The following RARB variants were observed in gnomAD, a reference collection of about 807,000 sequenced individuals.
RARB encodes retinoic acid receptor beta, also known as HBV-activated protein.
In RARB, 17 loss-of-function variants were observed where a neutral mutation model predicts 51.9. The ratio of observed to expected loss-of-function variants is 0.33; its 90% CI spans 0.22 to 0.49. The LOEUF (loss-of-function observed/expected upper bound fraction) is 0.49, where lower values mean the gene tolerates loss of function less well. Among genes scored for constraint, RARB ranks in the 20% least tolerant of loss-of-function variants. RARB has a pLI of 0.99. For missense variants in RARB, 369 were observed against 550.8 expected, an observed-to-expected ratio of 0.67 and a Z score of 3.30; for synonymous variants, 215 against 195.4, an observed-to-expected ratio of 1.10 and a Z score of -0.84.
At chr3:25,334,273 C>A (rs112498218) in intron 5 of RARB, among the ~76,000 whole-genome samples, 1 of 152,156 alleles carries the variant, frequency 6.6e-6, no homozygotes, top group African/African-American at 2.4e-5. Flanking sequence ...GACTTGGAAC[C>A]AACCCACATG....
intron 4 of RARB, among the ~76,000 whole-genome samples, chr3:25,135,968 T>C (rs1467374214): frequency 6.6e-6 from 1 of 151,986 alleles, no homozygotes; most frequent in Non-Finnish European, 1.5e-5. Context: ...TTAAATGTTA[T>C]ACAAGAAGAT....
At chr3:25,524,624 C>CCTT (rs1469968673) in intron 3 of RARB, among the ~76,000 whole-genome samples, 1 of 144,628 alleles carries the variant, frequency 6.9e-6, no homozygotes, top group Non-Finnish European at 1.5e-5. Flanking sequence ...CTTCCTCCCT[C>CCTT]CCTGCCTCCC....
chr3:25,256,819 G>A (rs996937944), intron 5 of RARB, among the ~76,000 whole-genome samples: 8 of 151,952 alleles, frequency 5.3e-5, no homozygotes, highest in Admixed American at 4.6e-4. Flanking sequence ...AAAAAAATAA[G>A]AATATCCAAG....
At chr3:24,972,220 CAT>C (rs533777558) in intron 2 of RARB, among the ~76,000 whole-genome samples, 1 of 151,982 alleles carries the variant, frequency 6.6e-6, no homozygotes, top group South Asian at 2.1e-4. Flanking sequence ...TTAGCTCCCA[CAT>C]ATGAGTGAGA....
At chr3:25,122,118 A>T (rs1699793942) in intron 3 of RARB, among the ~76,000 whole-genome samples, 1 of 152,164 alleles carries the variant, frequency 6.6e-6, no homozygotes, top group Non-Finnish European at 1.5e-5. Flanking sequence ...GATCAGTTTC[A>T]ATGCCAGATC....
intron 2 of RARB, among the ~76,000 whole-genome samples, chr3:24,881,793 G>A (rs1015038144): frequency 4.6e-5 from 7 of 152,120 alleles, no homozygotes; most frequent in Non-Finnish European, 8.8e-5. Context: ...GGAAAATAGT[G>A]TCTCAGGAGT....
chr3:25,146,390 T>C (rs1265523893), intron 4 of RARB, among the ~76,000 whole-genome samples: 1 of 151,826 alleles, frequency 6.6e-6, no homozygotes, highest in Non-Finnish European at 1.5e-5. Flanking sequence ...GAAGCAGCCA[T>C]AGACAATATA....
chr3:25,039,503 G>GC (rs1421352055), intron 2 of RARB, among the ~76,000 whole-genome samples: 1 of 152,144 alleles, frequency 6.6e-6, no homozygotes. Context: ...AGGAAATAGG[G>GC]CCACGGTAGT....
chr3:25,469,220 T>C (rs145749443), intron 2 of RARB, among the ~76,000 whole-genome samples: 1 of 152,344 alleles, frequency 6.6e-6, no homozygotes, highest in East Asian at 1.9e-4. Flanking sequence ...CAAAAAGTTT[T>C]GCAATCAGGA....
At chr3:24,866,942 C>T (rs1702860191) in intron 2 of RARB, among the ~76,000 whole-genome samples, 1 of 151,852 alleles carries the variant, frequency 6.6e-6, no homozygotes, top group South Asian at 2.1e-4. Context: ...ACTGGGGGTA[C>T]AATCACAGGG....
At chr3:25,141,021 A>G (rs1403034356) in intron 4 of RARB, among the ~76,000 whole-genome samples, 1 of 152,200 alleles carries the variant, frequency 6.6e-6, no homozygotes. Context: ...ATGCCCTGGG[A>G]AACCAAAACA....
chr3:25,339,437 G>A (rs1448161546), intron 5 of RARB, among the ~76,000 whole-genome samples: 2 of 152,130 alleles, frequency 1.3e-5, no homozygotes, highest in Admixed American at 1.3e-4. Flanking sequence ...TCTGTTTTCG[G>A]AACGTCACTT....
chr3:25,418,774 A>G (rs1405948887), intron 5 of RARB, among the ~76,000 whole-genome samples: 9 of 152,120 alleles, frequency 5.9e-5, no homozygotes, highest in Non-Finnish European at 1.2e-4. Context: ...AAGAGAAAAC[A>G]TCAAGCATAA....
At chr3:25,157,105 C>T (rs190293559) in intron 4 of RARB, among the ~76,000 whole-genome samples, 1 of 152,264 alleles carries the variant, frequency 6.6e-6, no homozygotes, top group East Asian at 1.9e-4. Flanking sequence ...TGTAAACATA[C>T]ATCTGATATA....
chr3:24,909,549 C>A (rs1340288605), intron 2 of RARB, among the ~76,000 whole-genome samples: 1 of 151,332 alleles, frequency 6.6e-6, no homozygotes, highest in Admixed American at 6.6e-5. Flanking sequence ...ACTTATTATT[C>A]TAGTTTTCTT....
intron 5 of RARB, among the ~76,000 whole-genome samples, chr3:25,298,196 T>C (rs1270341178): frequency 6.6e-6 from 1 of 151,774 alleles, no homozygotes; most frequent in Non-Finnish European, 1.5e-5. Context: ...TTTTTTTTTT[T>C]TTTTGAGACG....
intron 2 of RARB, among the ~76,000 whole-genome samples, chr3:25,489,755 C>A (rs1173000335): frequency 6.6e-6 from 1 of 152,200 alleles, no homozygotes; most frequent in Non-Finnish European, 1.5e-5. Context: ...AGTCCTAGGG[C>A]CTGTGGAAAG....
At chr3:25,419,085 G>A (rs1250181056) in intron 5 of RARB, among the ~76,000 whole-genome samples, 1 of 152,024 alleles carries the variant, frequency 6.6e-6, no homozygotes, top group Non-Finnish European at 1.5e-5. Context: ...CAGTCCTGCA[G>A]AAGTATGATT....
chr3:25,025,405 A>C (rs1697725816), intron 2 of RARB, among the ~76,000 whole-genome samples: 1 of 152,242 alleles, frequency 6.6e-6, no homozygotes, highest in Non-Finnish European at 1.5e-5. Context: ...TAAACTGTAT[A>C]GACTTGTGCC....
Sources: allele counts gnomAD v4.1 joint callset (sites outside exome capture counted in the v4.1 genomes callset), GRCh38; gene constraint gnomAD v4.1.1; transcripts MANE v1.5; gene names NCBI Gene and HGNC (gene_info 2026-07-23, HGNC 2026-07-21).